The following VAV1 variants were observed in gnomAD, a reference collection of about 807,000 sequenced individuals.
The protein encoded by VAV1 is proto-oncogene vav.
Under a neutral mutation model 128.1 loss-of-function variants are expected in VAV1, and 33 were observed. The observed-to-expected ratio is 0.26, with a 90% CI of 0.20 to 0.34. The LOEUF (loss-of-function observed/expected upper bound fraction) is 0.34. Among genes scored for constraint, VAV1 ranks in the 10% least tolerant of loss-of-function variants. The pLI, the probability that VAV1 is intolerant of heterozygous loss-of-function variation, is 1.00. For synonymous variants in VAV1, 394 were observed against 409.8 expected (o/e 0.96, Z 0.47); for missense variants, 715 against 1,093.7 (o/e 0.65, Z 4.88).
Position 6,848,031 on chromosome 19 carries a change from G to A in VAV1, c.2046G>A (p.Glu682=). The stretch of plus-strand genomic sequence containing the variant: ...GCCCCATGGAGCGGGCAGGGGCAGA[G>A]AGCATCCTGGCCAACCGCTCGGACG... The part of the protein sequence containing the change: ...YAGPMERAGA[E]SILANRSDGT... Residue 682 remains glutamate (E), a synonymous_variant, in exon 23 of 27, where the codon GAG becomes GAA. Coordinates refer to ENST00000602142, the MANE Select transcript of VAV1 (RefSeq NM_005428.4). The A allele has an allele frequency of 6.5e-7, 1 of 1,535,322 alleles. No individual in the cohort carries two copies. The highest frequency in any genetic ancestry group is 8.7e-7 in the Non-Finnish European group (1 of 1,149,276).
At chr19:6,802,805 A>G (rs1004699195) in intron 1 of VAV1, among the ~76,000 whole-genome samples, 6 of 152,118 alleles carry the variant, frequency 3.9e-5, no homozygotes, top group African/African-American at 1.4e-4. Flanking sequence ...GTGGTCCGGG[A>G]TGGGCAGTAT....
Position 6,826,635 on chromosome 19 carries a change from G to A in VAV1, c.851G>A (p.Cys284Tyr). ...AGGTTCCTCGTCTATGGCCGCTACT[G>A]CAGCCAGGTGGAGTCAGCCAGCAAA... ...KERFLVYGRY[C>Y]SQVESASKHL... The change falls in exon 9 of 27, where the codon TGC (cysteine) becomes TAC (tyrosine). Residue 284 changes from cysteine (C) to tyrosine (Y), a missense_variant. Transcript: ENST00000602142. This position sits in a 1 kb window ranked among gnomAD's most constrained non-coding sequence, Gnocchi z 4.1. The A allele has an allele frequency of 6.4e-7, 1 of 1,557,334 alleles. No individual in the cohort carries two copies.
intron 21 of VAV1, among the ~76,000 whole-genome samples, chr19:6,838,400 C>G (rs1599672305): frequency 7.7e-6 from 1 of 129,904 alleles, no homozygotes; most frequent in East Asian, 2.4e-4. Flanking sequence ...TCTATCCATC[C>G]ATCCATCCAT....
In VAV1 at chr19:6,772,914, C is replaced by A; in HGVS notation, c.107C>A (p.Ala36Asp). Residue 36 changes from alanine (A) to aspartate (D), a missense_variant, in exon 1 of 27, where the codon GCC becomes GAC. By Grantham distance (126) the Ala-to-Asp change is moderately radical. Coordinates refer to ENST00000602142, the MANE Select transcript of VAV1 (RefSeq NM_005428.4). This position sits in a 1 kb window ranked among gnomAD's most constrained non-coding sequence, Gnocchi z 4.8. The part of the protein sequence containing the change: ...DGAQVCELAQ[A>D]LRDGVLLCQL... Reference sequence around the variant, plus strand: ...GCTCAGGTGTGTGAACTGGCCCAGGCCCTCCGGGATGGTGTCCTTCTGTGT... The same window carrying A: ...GCTCAGGTGTGTGAACTGGCCCAGGACCTCCGGGATGGTGTCCTTCTGTGT... 6.2e-7 allele frequency: 1 copy of A among 1,614,064 alleles called. No individual in the cohort carries two copies. The highest frequency in any genetic ancestry group is 8.5e-7 in the Non-Finnish European group (1 of 1,179,978).
chr19:6,832,617 C>CTCGCCCTCCTCTTCCTCTTCCTCCT (rs61665765), intron 15 of VAV1, among the ~76,000 whole-genome samples: 7 of 107,812 alleles, frequency 6.5e-5, no homozygotes, highest in Non-Finnish European at 1.1e-4. Context: ...ATTCCTCCTC[C>CTCGCCCTCCTCTTCCTCTTCCTCCT]ACCTCTTCTT....
chr19:6,841,409 G>T (rs1972373958), intron 21 of VAV1, among the ~76,000 whole-genome samples: 1 of 151,934 alleles, frequency 6.6e-6, no homozygotes, highest in South Asian at 2.1e-4. Flanking sequence ...GAAACAGGAC[G>T]GCTGGGTCAT....
intron 26 of VAV1, 84 bp downstream of exon 26, chr19:6,854,182 G>A (rs1400338965): frequency 2.6e-6 from 4 of 1,530,504 alleles, no homozygotes; most frequent in Non-Finnish European, 3.5e-6. Flanking sequence ...ACTGGAGAAG[G>A]TGAGGTGCGG....
chr19:6,832,503 C>T (rs1274636794), intron 15 of VAV1, among the ~76,000 whole-genome samples: 6 of 138,618 alleles, frequency 4.3e-5, no homozygotes, highest in African/African-American at 1.3e-4. Flanking sequence ...CTTTCTCCTT[C>T]TCCTTTCCTC....
At chr19:6,838,651 CCTGT>C (rs1972291863) in intron 21 of VAV1, among the ~76,000 whole-genome samples, 1 of 152,014 alleles carries the variant, frequency 6.6e-6, no homozygotes, top group African/African-American at 2.4e-5. Flanking sequence ...TTATCCATCA[CCTGT>C]CTGTTTATCA....
At chr19:6,837,399 C>T (rs1972248777) in intron 21 of VAV1, among the ~76,000 whole-genome samples, 1 of 152,154 alleles carries the variant, frequency 6.6e-6, no homozygotes, top group Non-Finnish European at 1.5e-5. Flanking sequence ...CCTCCATTGC[C>T]TGTGTCCTTG....
chr19:6,775,895 G>A (rs560866977), intron 1 of VAV1, among the ~76,000 whole-genome samples: 44 of 152,260 alleles, frequency 2.9e-4, no homozygotes, highest in African/African-American at 1.0e-3. Flanking sequence ...GTGCAGGCTG[G>A]AATGAGAATT....
intron 21 of VAV1, among the ~76,000 whole-genome samples, chr19:6,839,382 T>C (rs1972313906): frequency 1.3e-5 from 2 of 151,990 alleles, no homozygotes; most frequent in Non-Finnish European, 2.9e-5. Flanking sequence ...AATGAAAAAT[T>C]CAGAATACTG....
At chr19:6,775,388 A>G (rs10412587) in intron 1 of VAV1, among the ~76,000 whole-genome samples, 75,879 of 152,032 alleles carry the variant, frequency 0.5, 20,247 homozygotes, top group African/African-American at 0.69. Context: ...TGGATGAAGG[A>G]CGAGGGTGCA....
At chr19:6,833,143 C>T in intron 15 of VAV1, 41 bp from the exon 16 acceptor site, 1 of 1,500,798 alleles carries the variant, frequency 6.7e-7, no homozygotes, top group Non-Finnish European at 9.1e-7. Context: ...GAATAAAATA[C>T]TGACCTTCTT....
intron 1 of VAV1, among the ~76,000 whole-genome samples, chr19:6,801,067 T>C (rs1971257295): frequency 6.6e-6 from 1 of 152,194 alleles, no homozygotes; most frequent in African/African-American, 2.4e-5. Context: ...TCATCATCAA[T>C]TATTCACCTT....
Position 6,780,796 on chromosome 19 carries a change from A to C in VAV1, c.204+7785A>C, listed in dbSNP as rs1195492054. On this transcript the variant is annotated intron_variant, in intron 1 of 26. Coordinates refer to ENST00000602142, the MANE Select transcript of VAV1 (RefSeq NM_005428.4). The stretch of plus-strand genomic sequence containing the variant: ...ACCATGTTGACCAGGCTGGTCTTGA[A>C]CTCCTGACCTCAGATGATCTGCCCG... Among the ~76,000 whole-genome samples, 17 of 147,908 alleles carry C rather than the reference A, an allele frequency of 1.1e-4. 2 individuals carry two copies. Among genetic ancestry groups the C allele is most frequent in the Admixed American group, 2.7e-4 (4 of 14,866 alleles).
At chr19:6,818,934 G>A (rs1012073716) in intron 1 of VAV1, among the ~76,000 whole-genome samples, 7 of 152,096 alleles carry the variant, frequency 4.6e-5, no homozygotes, top group Admixed American at 3.9e-4. Flanking sequence ...TGACCAACAT[G>A]GTGAAACCTC....
intron 1 of VAV1, among the ~76,000 whole-genome samples, chr19:6,799,460 G>A (rs546965984): frequency 5.3e-5 from 8 of 152,074 alleles, no homozygotes; most frequent in Non-Finnish European, 1.0e-4. Flanking sequence ...GAGCCACCAT[G>A]CCCGGCCTAT....
In VAV1 at chr19:6,822,624, T is replaced by C. The variant is rs1199982358; in HGVS notation, c.654+110T>C. Reference sequence around the variant, plus strand: ...GGCAGCTGAGGATTTCCTGCTCCCATCGCTTTTCCTTTCTGTGACTGTCTC... The same window carrying C: ...GGCAGCTGAGGATTTCCTGCTCCCACCGCTTTTCCTTTCTGTGACTGTCTC... On this transcript the variant is annotated intron_variant, in intron 6 of 26. Transcript: ENST00000602142. This position sits in a 1 kb window ranked among gnomAD's most constrained non-coding sequence, Gnocchi z 5.9. The C allele has an allele frequency of 2.2e-6, 2 of 897,268 alleles. No homozygotes were observed. The highest frequency in any genetic ancestry group is 3.3e-6 in the Non-Finnish European group (2 of 600,922). 55.6% of individuals were successfully genotyped at this position (897,268 alleles called of 1,614,324 possible). A position where few individuals can be genotyped will look rare whatever the true frequency, so the allele number is the denominator to read the frequency against.
Sources: gnomAD v4.1 joint callset for allele counts (sites outside exome capture counted in the v4.1 genomes callset) on GRCh38, gnomAD v4.1.1 for gene constraint, Gnocchi (gnomAD v3.1) non-coding constraint, MANE v1.5 for transcripts, NCBI Gene and HGNC (gene_info 2026-07-23, HGNC 2026-07-21) for gene names.